The following DAGLB variants were observed in gnomAD, a reference collection of about 807,000 sequenced individuals.
DAGLB encodes the protein diacylglycerol lipase beta.
In DAGLB, 66 loss-of-function variants were observed where a neutral mutation model predicts 72.1. The observed-to-expected ratio is 0.92, with a 90% confidence interval of 0.75 to 1.12. The LOEUF is 1.12. Among genes scored for constraint, DAGLB ranks in the 50% most tolerant of loss-of-function variants. The probability of loss-of-function intolerance (pLI) is 0.00; values close to 1 mark genes in which losing one functional copy is unlikely to be tolerated. For synonymous variants in DAGLB, 414 were observed against 359.5 expected, an observed-to-expected ratio of 1.15 and a Z score of -1.71; for missense variants, 1,065 against 884.9, an observed-to-expected ratio of 1.20 and a Z score of -2.58.
intron 11 of DAGLB, among the ~76,000 whole-genome samples, chr7:6,413,647 A>G (rs1281355455): frequency 6.6e-6 from 1 of 152,020 alleles, no homozygotes; most frequent in Non-Finnish European, 1.5e-5. Flanking sequence ...AAAAAAAAAA[A>G]AAAGATGCCC....
chr7:6,442,070 C>G lies in DAGLB; in HGVS notation c.247+3883G>C, dbSNP rs1784854204. Among the ~76,000 whole-genome samples the G allele has an allele frequency of 3.9e-5, 6 of 152,210 alleles. No individual in the cohort carries two copies. In the South Asian group the frequency reaches 1.0e-3, roughly 26 times the overall value. ...GGCTTTTGGATCCTTCCTAGAGGGG[C>G]AAGGAAGCACTTCCCCAGAACCTTC... On this transcript the variant is annotated intron_variant, in intron 2 of 14. Coordinates refer to ENST00000297056, the MANE Select transcript of DAGLB (RefSeq NM_139179.4).
At chr7:6,415,275 T>C (rs950018533) in intron 11 of DAGLB, among the ~76,000 whole-genome samples, 5 of 152,092 alleles carry the variant, frequency 3.3e-5, no homozygotes, top group Admixed American at 6.6e-5. Flanking sequence ...TGAACACTTC[T>C]TTATTGAGGG....
Position 6,430,560 on chromosome 7 carries a change from C to T in DAGLB, c.849G>A (p.Gln283=), listed in dbSNP as rs542591056. ...AELENCHHYM[Q]FAAAAYGWPL... ...GCCACCCATAGGCCGCTGCTGCAAACTGCATGTAATGATGGCAGTTTTCTA... is the reference window on the plus strand; with the variant it reads ...GCCACCCATAGGCCGCTGCTGCAAATTGCATGTAATGATGGCAGTTTTCTA... Residue 283 remains glutamine (Q), a synonymous_variant, in exon 6 of 15, where the codon CAG becomes CAA. Transcript: ENST00000297056. The T allele has an allele frequency of 1.5e-4, 238 of 1,603,930 alleles. 4 individuals are homozygous for T. In the South Asian group the frequency reaches 2.6e-3, roughly 18 times the overall value.
In DAGLB at chr7:6,427,228, G is replaced by C. The variant is rs1289779747; in HGVS notation, c.930-1114C>G. Reference sequence around the variant, plus strand: ...TAGTGGAACTGGGTATAGCAATTCTGAAACTATTTTCTTAGTAATAGGGGA... The same window carrying C: ...TAGTGGAACTGGGTATAGCAATTCTCAAACTATTTTCTTAGTAATAGGGGA... On this transcript the variant is annotated intron_variant, in intron 6 of 14. Coordinates refer to ENST00000297056, the MANE Select transcript of DAGLB (RefSeq NM_139179.4). Among the ~76,000 whole-genome samples, 3 of 152,340 alleles carry C rather than the reference G, an allele frequency of 2.0e-5. No individual in the cohort carries two copies. In the East Asian group the frequency reaches 5.8e-4, roughly 29 times the overall value.
intron 9 of DAGLB, 27 bp from the exon 10 acceptor site, chr7:6,416,948 C>T (rs372909744): frequency 1.4e-5 from 23 of 1,612,992 alleles, no homozygotes; most frequent in South Asian, 6.6e-5. Flanking sequence ...AGAAGGTGGC[C>T]GTTAATCCTC....
chr7:6,445,703 TCCAC>T (rs1216120091), intron 2 of DAGLB: 23 of 305,954 alleles, frequency 7.5e-5, no homozygotes, highest in Admixed American at 2.3e-4. Context: ...CCTCAAGTGA[TCCAC>T]CCACCTCGGC....
intron 9 of DAGLB, 97 bp downstream of exon 9, chr7:6,421,630 C>T (rs541817132): frequency 9.5e-5 from 115 of 1,212,130 alleles, no homozygotes; most frequent in East Asian, 2.7e-4. Flanking sequence ...GCGCGGGAGG[C>T]GCAGGCAGCG....
In DAGLB at chr7:6,434,795, C is replaced by G. The variant is rs748310114; in HGVS notation, c.645G>C (p.Ser215=). 1.9e-6 allele frequency: 3 copies of G among 1,614,198 alleles called. No individual in the cohort carries two copies. The highest frequency in any genetic ancestry group is 2.2e-5 in the South Asian group (2 of 91,088). Residue 215 remains serine (S), a synonymous_variant, in exon 4 of 15, where the codon TCG becomes TCC. Transcript: ENST00000297056. The part of the protein sequence containing the change: ...GKDDHTRVAF[S]STAELFSTYF... ...AGGTTGAGAAAAGCTCTGCCGTACT[C>G]GAAAAAGCAACCCGAGTATGGTCGT...
At chr7:6,416,785 G>A (rs1783932523) in intron 10 of DAGLB, 31 bp from the exon 11 acceptor site, 1 of 1,614,056 alleles carries the variant, frequency 6.2e-7, no homozygotes, top group Non-Finnish European at 8.5e-7. Flanking sequence ...TGAGGTGAAG[G>A]GTAAAAACAA....
At chr7:6,411,371 C>T (rs1783723025) in intron 13 of DAGLB, among the ~76,000 whole-genome samples, 1 of 152,128 alleles carries the variant, frequency 6.6e-6, no homozygotes, top group Non-Finnish European at 1.5e-5. Flanking sequence ...CCTGTAATCC[C>T]AGCACTTTGG....
chr7:6,410,446 CACCAAGGCGG>C (rs1388311808), intron 13 of DAGLB, 66 bp from the exon 14 acceptor site: 5 of 1,534,444 alleles, frequency 3.3e-6, no homozygotes, highest in Non-Finnish European at 4.4e-6. Flanking sequence ...CCTCCCGAAA[CACCAAGGCGG>C]ACCAGGCACA....
intron 11 of DAGLB, among the ~76,000 whole-genome samples, chr7:6,415,667 A>AC (rs1181300512): frequency 1.3e-5 from 2 of 151,000 alleles, no homozygotes; most frequent in South Asian, 2.1e-4. Flanking sequence ...ACACGGTGAA[A>AC]CCCGTCTCTA....
chr7:6,415,057 A>C (rs1783857689), intron 11 of DAGLB, among the ~76,000 whole-genome samples: 1 of 149,366 alleles, frequency 6.7e-6, no homozygotes. Context: ...GCTACTTGGG[A>C]GGCTGAGGCC....
At chr7:6,442,679 C>T (rs758726432) in intron 2 of DAGLB, among the ~76,000 whole-genome samples, 3 of 152,194 alleles carry the variant, frequency 2.0e-5, no homozygotes, top group Non-Finnish European at 4.4e-5. Context: ...CAATGACAGC[C>T]TACATTTGGG....
chr7:6,436,745 T>C (rs1784671424), intron 2 of DAGLB, among the ~76,000 whole-genome samples: 1 of 152,150 alleles, frequency 6.6e-6, no homozygotes, highest in Non-Finnish European at 1.5e-5. Context: ...CTGGGCTCTT[T>C]TTTAAGATTT....
Position 6,413,054 on chromosome 7 carries a change from G to A in DAGLB, c.1428-20C>T, listed in dbSNP as rs777350065. 1 of 1,610,424 alleles carries A rather than the reference G, an allele frequency of 6.2e-7. No individual in the cohort carries two copies. Among genetic ancestry groups the A allele is most frequent in the African/African-American group, 1.3e-5 (1 of 74,868 alleles). Reference sequence around the variant, plus strand: ...GCTTTGCTGAAATTCCAAACAGAGAGAGGATGTTAGCTTTACGATGACACT... The same window carrying A: ...GCTTTGCTGAAATTCCAAACAGAGAAAGGATGTTAGCTTTACGATGACACT... On this transcript the variant is annotated intron_variant, in intron 11 of 14. Transcript: ENST00000297056.
intron 13 of DAGLB, among the ~76,000 whole-genome samples, chr7:6,411,869 TTTAAG>T (rs1408282245): frequency 2.0e-5 from 3 of 152,184 alleles, no homozygotes; most frequent in African/African-American, 7.2e-5. Context: ...AAGAATAATT[TTTAAG>T]TTTTTTTTCT....
intron 6 of DAGLB, among the ~76,000 whole-genome samples, chr7:6,426,372 C>G (rs991351429): frequency 1.3e-5 from 2 of 152,222 alleles, no homozygotes; most frequent in Non-Finnish European, 2.9e-5. Flanking sequence ...CAGGTTCAGG[C>G]GATTCCCCTG....
Position 6,436,542 on chromosome 7 carries a change from C to G in DAGLB, c.248-9G>C, listed in dbSNP as rs767012200. 1.9e-6 allele frequency: 3 copies of G among 1,612,744 alleles called. No homozygotes were observed. Among genetic ancestry groups the G allele is most frequent in the Non-Finnish European group, 2.5e-6 (3 of 1,179,710 alleles). On this transcript the variant is annotated splice_polypyrimidine_tract_variant and intron_variant, in intron 2 of 14. Coordinates refer to ENST00000297056, the MANE Select transcript of DAGLB (RefSeq NM_139179.4). ...AGGGTTACAAATCGTTCCTGAAATA[C>G]AAAAAACGTTCCGACTGCTCAGTTG...
Sources: allele counts gnomAD v4.1 joint callset (sites outside exome capture counted in the v4.1 genomes callset), GRCh38; gene constraint gnomAD v4.1.1; transcripts MANE v1.5; gene names NCBI Gene and HGNC (gene_info 2026-07-23, HGNC 2026-07-21).